Variants in GTF2F2 observed in about 807,000 individuals in gnomAD.
GTF2F2 encodes ATP-dependent helicase GTF2F2.
A neutral mutation model predicts 42.2 loss-of-function variants in GTF2F2; 23 were observed. The observed-to-expected ratio is 0.55, with a 90% CI of 0.39 to 0.77. GTF2F2 has a LOEUF of 0.77. GTF2F2 is among the 30% of genes least tolerant of loss of function. The pLI is 0.00. For synonymous variants in GTF2F2, 105 were observed against 100.8 expected (o/e 1.04, Z -0.25); for missense variants, 261 against 287.2 (o/e 0.91, Z 0.66).
At chr13:45,218,490 C>T (rs1168216500) in intron 5 of GTF2F2, among the ~76,000 whole-genome samples, 2 of 152,188 alleles carry the variant, frequency 1.3e-5, no homozygotes, top group African/African-American at 4.8e-5. Flanking sequence ...TTTAACACAA[C>T]GTCATTGTGC....
intron 6 of GTF2F2, among the ~76,000 whole-genome samples, chr13:45,261,150 G>A (rs1450295615): frequency 6.6e-6 from 1 of 151,926 alleles, no homozygotes; most frequent in Admixed American, 6.6e-5. Flanking sequence ...TTGGGGGCCG[G>A]GTGCAGTGGC....
intron 5 of GTF2F2, among the ~76,000 whole-genome samples, chr13:45,213,865 G>A (rs370926325): frequency 6.6e-5 from 10 of 152,202 alleles, no homozygotes; most frequent in East Asian, 3.9e-4. Flanking sequence ...ACATGTGCAC[G>A]TGTCTCTTGC....
intron 3 of GTF2F2, among the ~76,000 whole-genome samples, chr13:45,150,485 A>AC (rs1190317816): frequency 4.7e-4 from 71 of 151,752 alleles, no homozygotes; most frequent in African/African-American, 1.2e-3. Flanking sequence ...AGTTCACTTC[A>AC]TCCCCCCCAT....
intron 5 of GTF2F2, among the ~76,000 whole-genome samples, chr13:45,240,361 C>A (rs995297186): frequency 2.6e-5 from 4 of 152,108 alleles, no homozygotes; most frequent in African/African-American, 4.8e-5. Flanking sequence ...AAACAAAAAA[C>A]CCCTGGAATA....
chr13:45,190,961 A>G (rs1289387349), intron 4 of GTF2F2, among the ~76,000 whole-genome samples: 1 of 151,382 alleles, frequency 6.6e-6, no homozygotes, highest in Non-Finnish European at 1.5e-5. Context: ...AAAAAACTGA[A>G]TAAGCTGATT....
chr13:45,175,612 T>C (rs918431368), intron 4 of GTF2F2, among the ~76,000 whole-genome samples: 1 of 152,172 alleles, frequency 6.6e-6, no homozygotes, highest in Non-Finnish European at 1.5e-5. Context: ...CCTTCTTGGA[T>C]TTGCCTGATT....
chr13:45,194,743 T>C lies in GTF2F2; in HGVS notation c.305-12681T>C. 5 of 611,740 alleles carry C rather than the reference T, an allele frequency of 8.2e-6. No individual in the cohort carries two copies. In the South Asian group the frequency reaches 1.1e-4, roughly 13 times the overall value. 37.9% of individuals were successfully genotyped at this position (611,740 alleles called of 1,614,324 possible). Reference sequence around the variant, plus strand: ...AGTAGGTGGCGTATCAGCCTATGTATGCAGGAGCTTTCTGGAGTAAGACGG... The same window carrying C: ...AGTAGGTGGCGTATCAGCCTATGTACGCAGGAGCTTTCTGGAGTAAGACGG... On this transcript the variant is annotated intron_variant, in intron 4 of 7. Transcript: ENST00000340473.
chr13:45,233,405 C>T (rs1025822188), intron 5 of GTF2F2, among the ~76,000 whole-genome samples: 2 of 152,154 alleles, frequency 1.3e-5, no homozygotes, highest in Non-Finnish European at 2.9e-5. Flanking sequence ...AACATGGGCA[C>T]GTGTTCATTC....
intron 4 of GTF2F2, among the ~76,000 whole-genome samples, chr13:45,203,456 T>C (rs1262206917): frequency 6.6e-6 from 1 of 152,156 alleles, no homozygotes; most frequent in Non-Finnish European, 1.5e-5. Flanking sequence ...TGTGAAACTA[T>C]CTAAATGCAG....
chr13:45,246,275 T>A (rs1157147483), intron 5 of GTF2F2, among the ~76,000 whole-genome samples: 4 of 152,030 alleles, frequency 2.6e-5, no homozygotes, highest in African/African-American at 4.8e-5. Flanking sequence ...CCTTCCAAAG[T>A]GCTGGGATTA....
chr13:45,158,473 C>T (rs1870874429), intron 4 of GTF2F2, among the ~76,000 whole-genome samples: 2 of 152,200 alleles, frequency 1.3e-5, no homozygotes, highest in Non-Finnish European at 1.5e-5. Context: ...TAATCCAAAG[C>T]AACCCTCTGA....
chr13:45,139,083 T>C (rs1869782827), intron 2 of GTF2F2, among the ~76,000 whole-genome samples: 1 of 152,240 alleles, frequency 6.6e-6, no homozygotes, highest in Admixed American at 6.5e-5. Context: ...GCTGTGACTA[T>C]GACTGTTATC....
At chr13:45,221,410 C>T (rs1157620791) in intron 5 of GTF2F2, among the ~76,000 whole-genome samples, 6 of 152,084 alleles carry the variant, frequency 3.9e-5, no homozygotes, top group Admixed American at 3.9e-4. Flanking sequence ...AATATGGGGC[C>T]TTTTGTTCAT....
At chr13:45,220,799 C>T (rs1874076185) in intron 5 of GTF2F2, 2 of 152,048 alleles carry the variant, frequency 1.3e-5, no homozygotes, top group African/African-American at 4.8e-5. Context: ...GTTCCTAGGT[C>T]TCCTTCAGGG....
intron 4 of GTF2F2, chr13:45,193,603 A>G (rs572480858): frequency 1.8e-6 from 1 of 561,606 alleles, no homozygotes; most frequent in South Asian, 3.0e-5. Flanking sequence ...GATCAGTAGG[A>G]ACACCCCAGA....
chr13:45,222,613 G>A (rs1198420483), intron 5 of GTF2F2, among the ~76,000 whole-genome samples: 3 of 151,940 alleles, frequency 2.0e-5, no homozygotes, highest in Non-Finnish European at 4.4e-5. Flanking sequence ...TTTCCCCTCA[G>A]AATCAATATT....
At chr13:45,184,521 T>G (rs1009324601) in intron 4 of GTF2F2, among the ~76,000 whole-genome samples, 58 of 151,932 alleles carry the variant, frequency 3.8e-4, no homozygotes, top group African/African-American at 1.3e-3. Flanking sequence ...CCCCAAGTGC[T>G]GGGATTACCA....
chr13:45,225,744 AC>A (rs1874320936), intron 5 of GTF2F2, among the ~76,000 whole-genome samples: 1 of 152,150 alleles, frequency 6.6e-6, no homozygotes, highest in Non-Finnish European at 1.5e-5. Flanking sequence ...AATGTCATAG[AC>A]CATATCTTCA....
chr13:45,234,312 GAAACATAA>G (rs1874837996), intron 5 of GTF2F2, among the ~76,000 whole-genome samples: 1 of 152,180 alleles, frequency 6.6e-6, no homozygotes, highest in Non-Finnish European at 1.5e-5. Context: ...ATAAGTGACT[GAAACATAA>G]AGCTGTTTGT....
Sources: gnomAD v4.1 joint callset for allele counts (sites outside exome capture counted in the v4.1 genomes callset) on GRCh38, gnomAD v4.1.1 for gene constraint, MANE v1.5 for transcripts, NCBI Gene and HGNC (gene_info 2026-07-23, HGNC 2026-07-21) for gene names.